Variants in TEX36 observed in about 807,000 individuals in gnomAD.
TEX36 encodes testis-expressed protein 36.
Under a neutral mutation model 13.6 loss-of-function variants are expected in TEX36, and 12 were observed. That is an observed-to-expected ratio of 0.88 (90% CI 0.56 to 1.43). The LOEUF (loss-of-function observed/expected upper bound fraction) is 1.43, where lower values mean the gene tolerates loss of function less well. Among genes scored for constraint, TEX36 ranks in the 40% most tolerant of loss-of-function variants. The probability of loss-of-function intolerance (pLI) is 0.00; values close to 1 mark genes in which losing one functional copy is unlikely to be tolerated. For synonymous variants in TEX36, 93 were observed against 83.0 expected (o/e 1.12, Z -0.65); for missense variants, 224 against 228.3 (o/e 0.98, Z 0.12).
chr10:125,657,693 C>G (rs1346521797), intron 3 of TEX36, among the ~76,000 whole-genome samples: 1 of 152,100 alleles, frequency 6.6e-6, no homozygotes, highest in Admixed American at 6.5e-5. Context: ...AGGATTTCAA[C>G]TTGATTAGGG....
rs297249 is a variant in TEX36 at position 125,625,209 on chromosome 10, C to A, written c.265-3564G>T. ...CCACCAGACATGAGCCCCTCCTGGG[C>A]AGGACTGCCTTATTCAGCCCTGGGT... On this transcript the variant is annotated intron_variant, in intron 3 of 3. Coordinates refer to the TEX36 transcript ENST00000526819. 7.7e-3 allele frequency among the ~76,000 whole-genome samples: 1,178 copies of A among 152,330 alleles called. 17 individuals are homozygous for A. Among genetic ancestry groups the A allele is most frequent in the African/African-American group, 0.027 (1,126 of 41,570 alleles).
At chr10:125,656,889 C>G (rs1846953953) in intron 3 of TEX36, among the ~76,000 whole-genome samples, 1 of 152,056 alleles carries the variant, frequency 6.6e-6, no homozygotes, top group Admixed American at 6.6e-5. Flanking sequence ...TGAGCTGCCC[C>G]CCAGCACTCA....
chr10:125,636,396 A>G (rs557119871), intron 3 of TEX36, among the ~76,000 whole-genome samples: 4 of 144,924 alleles, frequency 2.8e-5, no homozygotes, highest in Non-Finnish European at 6.0e-5. Flanking sequence ...ATATATTTTT[A>G]GTAGAGGCGG....
intron 3 of TEX36, among the ~76,000 whole-genome samples, chr10:125,628,863 G>A (rs767858972): frequency 6.6e-6 from 1 of 152,172 alleles, no homozygotes; most frequent in Non-Finnish European, 1.5e-5. Context: ...TGTGGTAGGG[G>A]GGACAGAAGA....
chr10:125,658,020 A>C (rs1479423715), intron 3 of TEX36, among the ~76,000 whole-genome samples: 1 of 152,192 alleles, frequency 6.6e-6, no homozygotes, highest in Non-Finnish European at 1.5e-5. Flanking sequence ...AAAAAGAAAA[A>C]TATAAGCATA....
intron 3 of TEX36, among the ~76,000 whole-genome samples, chr10:125,606,493 T>C (rs1846217607): frequency 6.6e-6 from 1 of 152,162 alleles, no homozygotes; most frequent in Non-Finnish European, 1.5e-5. Flanking sequence ...ACATCAGTGT[T>C]TCTTGGAAAA....
At chr10:125,576,955 G>T (rs1463947693) in intron 3 of TEX36, 5 of 1,514,916 alleles carry the variant, frequency 3.3e-6, no homozygotes, top group Non-Finnish European at 3.5e-6. Flanking sequence ...AGAGGAAAGG[G>T]GGCCTTATTC....
intron 3 of TEX36, among the ~76,000 whole-genome samples, chr10:125,583,911 C>T (rs1052464777): frequency 4.6e-5 from 7 of 152,168 alleles, no homozygotes; most frequent in Admixed American, 3.9e-4. Flanking sequence ...TTCTCCCACC[C>T]AGAGAGGCAG....
chr10:125,576,668 G>T (rs981556302), exon 4 of TEX36: 1 of 1,494,156 alleles, frequency 6.7e-7, no homozygotes, highest in Non-Finnish European at 8.9e-7. Context: ...TAAGACAAAA[G>T]GTCCTTTTCT....
chr10:125,673,464 A>C (rs760812445), intron 1 of TEX36, among the ~76,000 whole-genome samples: 20 of 152,164 alleles, frequency 1.3e-4, no homozygotes, highest in Non-Finnish European at 2.5e-4. Context: ...TAATCCCAGC[A>C]CTTTGGAAGG....
chr10:125,577,640 C>T (rs976437420), intron 3 of TEX36, among the ~76,000 whole-genome samples: 2 of 152,220 alleles, frequency 1.3e-5, no homozygotes, highest in Admixed American at 1.3e-4. Context: ...TAGAGTATTT[C>T]CTCCAAGTCT....
chr10:125,587,756 A>G (rs1845973554), intron 3 of TEX36, among the ~76,000 whole-genome samples: 1 of 150,952 alleles, frequency 6.6e-6, no homozygotes, highest in Non-Finnish European at 1.5e-5. Context: ...AGCCTGGGCT[A>G]CAAGGGCGAG....
At chr10:125,651,732 T>G (rs1846862891), downstream of TEX36, among the ~76,000 whole-genome samples, 1 of 152,202 alleles carries the variant, frequency 6.6e-6, no homozygotes, top group Admixed American at 6.5e-5. Flanking sequence ...TGACATGATT[T>G]TATATTTAGA....
chr10:125,667,904 A>G (rs1589784756), intron 1 of TEX36: 1 of 1,451,806 alleles, frequency 6.9e-7, no homozygotes, highest in East Asian at 2.3e-5. Flanking sequence ...GATGTCAGAC[A>G]GCTCCTTCTT....
At chr10:125,634,361 G>T (rs1846597591) in intron 3 of TEX36, among the ~76,000 whole-genome samples, 1 of 152,114 alleles carries the variant, frequency 6.6e-6, no homozygotes, top group African/African-American at 2.4e-5. Context: ...TTCCGGAGAG[G>T]GTAGGTTGTT....
At chr10:125,633,821 C>T (rs371235059) in intron 3 of TEX36, among the ~76,000 whole-genome samples, 18 of 152,232 alleles carry the variant, frequency 1.2e-4, no homozygotes, top group Middle Eastern at 3.4e-3. Flanking sequence ...TTGACTTTCC[C>T]ATAAATGGAC....
chr10:125,585,928 T>G (rs1316843959), intron 3 of TEX36, among the ~76,000 whole-genome samples: 1 of 152,214 alleles, frequency 6.6e-6, no homozygotes, highest in Non-Finnish European at 1.5e-5. Context: ...CTAGGAAGGT[T>G]TGGAAACTTC....
At chr10:125,628,737 G>T (rs1327427727) in intron 3 of TEX36, among the ~76,000 whole-genome samples, 1 of 152,178 alleles carries the variant, frequency 6.6e-6, no homozygotes, top group East Asian at 1.9e-4. Context: ...TTTTTATAGA[G>T]CGAAAAGCTG....
chr10:125,659,094 C>A (rs1277424851), intron 3 of TEX36, among the ~76,000 whole-genome samples: 1 of 151,952 alleles, frequency 6.6e-6, no homozygotes, highest in African/African-American at 2.4e-5. Flanking sequence ...GATTAATAAT[C>A]AAGAAAGAAA....
Sources: gnomAD v4.1 joint callset for allele counts (sites outside exome capture counted in the v4.1 genomes callset) on GRCh38, gnomAD v4.1.1 for gene constraint, MANE v1.5 for transcripts, NCBI Gene and HGNC (gene_info 2026-07-23, HGNC 2026-07-21) for gene names.